YIPF7: variants seen among roughly 807,000 people sequenced by gnomAD.
The protein encoded by YIPF7 is protein YIPF7.
In YIPF7, 35 loss-of-function variants were observed where a neutral mutation model predicts 27.2. The observed-to-expected ratio is 1.29, with a 90% confidence interval of 0.98 to 1.70. The LOEUF (loss-of-function observed/expected upper bound fraction) is 1.70, where lower values mean the gene tolerates loss of function less well. Ranked by LOEUF, YIPF7 falls within the 40% of genes most tolerant of loss-of-function variation. The pLI is 0.00. For synonymous variants in YIPF7, 137 were observed against 110.4 expected (o/e 1.24, Z -1.51); for missense variants, 358 against 303.7 (o/e 1.18, Z -1.33).
chr4:44,660,124 A>AAAAAAAAAAAAAAAC lies in YIPF7; in HGVS notation c.-2+324_-2+325insGTTTTTTTTTTTTTT, dbSNP rs1188319616. Among the ~76,000 whole-genome samples, 14 of 145,928 alleles carry AAAAAAAAAAAAAAAC rather than the reference A, an allele frequency of 9.6e-5. 2 individuals are homozygous for AAAAAAAAAAAAAAAC. Among genetic ancestry groups the AAAAAAAAAAAAAAAC allele is most frequent in the Admixed American group, 7.5e-4 (11 of 14,638 alleles). On this transcript the variant is annotated intron_variant, in intron 2 of 2. Transcript: ENST00000508947. ...GCAAGACTCTGTCTCAAAAAAAAAA[A>AAAAAAAAAAAAAAAC]AAAAAAAAAAAACGAACCTTACAGT... is the stretch of plus-strand genomic sequence containing the variant.
At chr4:44,623,490 C>T (rs1261527922) in intron 5 of YIPF7, among the ~76,000 whole-genome samples, 1 of 152,136 alleles carries the variant, frequency 6.6e-6, no homozygotes, top group African/African-American at 2.4e-5. Flanking sequence ...TGGTTTGACA[C>T]TGAAGTTGGG....
chr4:44,626,721 A>C (rs1363993806), intron 4 of YIPF7, among the ~76,000 whole-genome samples: 3 of 136,416 alleles, frequency 2.2e-5, no homozygotes, highest in Non-Finnish European at 3.1e-5. Context: ...TTTAACCTCA[A>C]AATTTTTAAG....
chr4:44,627,134 G>T (rs1029477655), intron 4 of YIPF7, among the ~76,000 whole-genome samples: 2 of 151,826 alleles, frequency 1.3e-5, no homozygotes, highest in African/African-American at 4.8e-5. Context: ...TTTTATATTG[G>T]CCATGCATAT....
intron 5 of YIPF7, among the ~76,000 whole-genome samples, chr4:44,623,734 G>A (rs1188999957): frequency 6.6e-6 from 1 of 152,018 alleles, no homozygotes; most frequent in African/African-American, 2.4e-5. Flanking sequence ...GTCTTGAGTT[G>A]CACATACTAA....
chr4:44,627,252 G>T (rs56164007), intron 4 of YIPF7, among the ~76,000 whole-genome samples: 40 of 152,248 alleles, frequency 2.6e-4, no homozygotes, highest in Non-Finnish European at 3.8e-4. Context: ...TTGGGGAAAA[G>T]AATAAGTAAA....
At chr4:44,628,912 C>A (rs1014234060) in intron 4 of YIPF7, among the ~76,000 whole-genome samples, 14 of 152,054 alleles carry the variant, frequency 9.2e-5, no homozygotes, top group African/African-American at 2.7e-4. Flanking sequence ...GTTGTCATTG[C>A]AAATTAATTT....
chr4:44,657,653 C>T (rs1412295612), intron 2 of YIPF7, among the ~76,000 whole-genome samples: 1 of 152,128 alleles, frequency 6.6e-6, no homozygotes, highest in Non-Finnish European at 1.5e-5. Flanking sequence ...TGCAGTCTTT[C>T]CGTCGTGCAC....
At chr4:44,638,792 A>C (rs949919309) in intron 2 of YIPF7, among the ~76,000 whole-genome samples, 1 of 152,092 alleles carries the variant, frequency 6.6e-6, no homozygotes, top group Non-Finnish European at 1.5e-5. Context: ...AGTTTTCCCT[A>C]TGTTTTATTC....
In YIPF7 at chr4:44,635,979, A is replaced by T. The variant is rs1018632577; in HGVS notation, c.223T>A (p.Tyr75Asn). ...TCAATGTAAGGAGATTGTGAATAAT[A>T]ATCTGAGTTGGATGCTGGCTGAAAA... The part of the protein sequence containing the change: ...QFFQPASNSD[Y>N]YSQSPYIDSF... Residue 75 changes from tyrosine (Y) to asparagine (N), a missense_variant, in exon 3 of 6, where the codon TAT becomes AAT. Coordinates refer to ENST00000415895, the MANE Select transcript of YIPF7 (RefSeq NM_182592.3). 3 of 1,613,940 alleles carry T rather than the reference A, an allele frequency of 1.9e-6. No homozygotes were observed. Among genetic ancestry groups the T allele is most frequent in the Non-Finnish European group, 2.5e-6 (3 of 1,179,834 alleles).
chr4:44,636,463 T>C (rs1713125499), intron 2 of YIPF7, among the ~76,000 whole-genome samples: 1 of 152,208 alleles, frequency 6.6e-6, no homozygotes, highest in Admixed American at 6.5e-5. Context: ...TTGCAGGTGC[T>C]GGACTCTGGT....
chr4:44,650,325 G>T, intron 1 of YIPF7, among the ~76,000 whole-genome samples: 1 of 152,040 alleles, frequency 6.6e-6, no homozygotes, highest in East Asian at 1.9e-4. Context: ...TGAAGTTTTC[G>T]CACCCTGGAC....
intron 2 of YIPF7, among the ~76,000 whole-genome samples, chr4:44,648,039 TAA>T (rs1459387567): frequency 6.6e-6 from 1 of 152,174 alleles, no homozygotes; most frequent in Non-Finnish European, 1.5e-5. Context: ...TATTTTATAA[TAA>T]GTCATATGCT....
chr4:44,627,469 T>C (rs1712702150), intron 4 of YIPF7, among the ~76,000 whole-genome samples: 1 of 152,210 alleles, frequency 6.6e-6, no homozygotes, highest in African/African-American at 2.4e-5. Flanking sequence ...GTAAAATTCC[T>C]GTGTCAGCCG....
intron 5 of YIPF7, among the ~76,000 whole-genome samples, chr4:44,624,257 T>C (rs1712544058): frequency 6.6e-6 from 1 of 151,680 alleles, no homozygotes; most frequent in South Asian, 2.1e-4. Flanking sequence ...AGAGATGGGG[T>C]TTCTCCACGC....
At chr4:44,624,449 T>C (rs756243901) in intron 5 of YIPF7, among the ~76,000 whole-genome samples, 152 bp downstream of exon 5, 4 of 152,210 alleles carry the variant, frequency 2.6e-5, no homozygotes, top group Non-Finnish European at 4.4e-5. Context: ...AAAACTAACC[T>C]ACTTTTCTTA....
chr4:44,647,396 T>G (rs143224634), intron 2 of YIPF7, among the ~76,000 whole-genome samples: 59 of 152,272 alleles, frequency 3.9e-4, no homozygotes, highest in African/African-American at 1.2e-3. Flanking sequence ...GCTACCCAAA[T>G]ACCAATCTTA....
chr4:44,647,249 G>A (rs1346866905), intron 2 of YIPF7, among the ~76,000 whole-genome samples: 1 of 152,106 alleles, frequency 6.6e-6, no homozygotes, highest in East Asian at 1.9e-4. Flanking sequence ...TCTAGGAAAT[G>A]TTCAGTCAAA....
At chr4:44,627,933 T>G (rs1197215712) in intron 4 of YIPF7, among the ~76,000 whole-genome samples, 1 of 152,180 alleles carries the variant, frequency 6.6e-6, no homozygotes, top group Non-Finnish European at 1.5e-5. Flanking sequence ...CAACTAACAT[T>G]ATGCATCCAA....
At chr4:44,656,275 T>A (rs1247542272), upstream of YIPF7, among the ~76,000 whole-genome samples, 6 of 152,026 alleles carry the variant, frequency 3.9e-5, no homozygotes, top group Non-Finnish European at 8.8e-5. Context: ...ATGTAATTAA[T>A]TTTCATAGGA....
Sources: gnomAD v4.1 joint callset for allele counts (sites outside exome capture counted in the v4.1 genomes callset) on GRCh38, gnomAD v4.1.1 for gene constraint, MANE v1.5 for transcripts, NCBI Gene and HGNC (gene_info 2026-07-23, HGNC 2026-07-21) for gene names.